Variants in NLRP4 observed in about 807,000 individuals in gnomAD.
NLRP4 encodes NLR family pyrin domain containing 4, also known as NACHT, LRR and PYD domains-containing protein 4.
NLRP4 carries 44 observed loss-of-function variants against 84.7 expected under a neutral mutation model. That is an observed-to-expected ratio of 0.52 (90% CI 0.41 to 0.67). The LOEUF (loss-of-function observed/expected upper bound fraction) is 0.67. NLRP4 is among the 30% of genes least tolerant of loss of function. The pLI, the probability that NLRP4 is intolerant of heterozygous loss-of-function variation, is 0.00. For missense variants in NLRP4, 1,260 were observed against 1,219.4 expected, an observed-to-expected ratio of 1.03 and a Z score of -0.50; for synonymous variants, 544 against 476.4, an observed-to-expected ratio of 1.14 and a Z score of -1.85.
At chr19:55,844,058 G>C (rs1983707048) in intron 1 of NLRP4, among the ~76,000 whole-genome samples, 1 of 152,150 alleles carries the variant, frequency 6.6e-6, no homozygotes, top group South Asian at 2.1e-4. Flanking sequence ...AAAACAGACA[G>C]CTTAAGCAAC....
At chr19:55,853,453 C>T (rs1984249646) in intron 2 of NLRP4, among the ~76,000 whole-genome samples, 1 of 152,008 alleles carries the variant, frequency 6.6e-6, no homozygotes, top group Non-Finnish European at 1.5e-5. Flanking sequence ...AGTGCCGTGG[C>T]ATCATCACGG....
chr19:55,869,498 G>T (rs1309603678), intron 6 of NLRP4, among the ~76,000 whole-genome samples: 3 of 152,164 alleles, frequency 2.0e-5, no homozygotes, highest in Non-Finnish European at 4.4e-5. Flanking sequence ...TCTTGTGTCT[G>T]TCAACAGGAA....
intron 6 of NLRP4, among the ~76,000 whole-genome samples, chr19:55,869,774 C>T (rs1430113271): frequency 8.4e-6 from 1 of 119,084 alleles, no homozygotes; most frequent in African/African-American, 3.2e-5. Context: ...TCAAAGTCAA[C>T]ATGGATCCTT....
intron 6 of NLRP4, 129 bp downstream of exon 6, chr19:55,868,005 A>G: frequency 1.3e-6 from 1 of 794,470 alleles, no homozygotes; most frequent in Non-Finnish European, 2.0e-6. Context: ...CTTAAGAATC[A>G]GAAAAGACTT....
At chr19:55,878,716 T>C (rs1248293724) in intron 8 of NLRP4, 78 bp from the exon 9 acceptor site, 38 of 1,320,116 alleles carry the variant, frequency 2.9e-5, no homozygotes, top group Non-Finnish European at 3.8e-5. Flanking sequence ...GTGCCTCAAC[T>C]AGACGTCTAG....
intron 2 of NLRP4, among the ~76,000 whole-genome samples, chr19:55,855,595 G>A (rs1211961087): frequency 6.6e-6 from 1 of 152,238 alleles, no homozygotes; most frequent in Admixed American, 6.5e-5. Flanking sequence ...ACTGTCAGCA[G>A]TCTGTGGGCA....
chr19:55,877,511 TTATC>T (rs893027814), intron 8 of NLRP4, among the ~76,000 whole-genome samples: 1 of 152,176 alleles, frequency 6.6e-6, no homozygotes, highest in African/African-American at 2.4e-5. Flanking sequence ...CCACGTCTCA[TTATC>T]TAACTGGTTG....
chr19:55,846,647 C>T (rs1983806723), intron 1 of NLRP4, among the ~76,000 whole-genome samples: 1 of 152,104 alleles, frequency 6.6e-6, no homozygotes, highest in Non-Finnish European at 1.5e-5. Flanking sequence ...TAACAGATGG[C>T]TGTGCCCTAC....
intron 5 of NLRP4, among the ~76,000 whole-genome samples, chr19:55,866,953 T>C (rs1373681465): frequency 6.6e-6 from 1 of 152,098 alleles, no homozygotes; most frequent in African/African-American, 2.4e-5. Context: ...GATAAGTTAC[T>C]GGGGGAGGCT....
At chr19:55,871,090 G>T in intron 7 of NLRP4, 93 bp downstream of exon 7, 1 of 1,105,884 alleles carries the variant, frequency 9.0e-7, no homozygotes, top group Non-Finnish European at 1.3e-6. Flanking sequence ...GAAGGCTGTA[G>T]TGTCTGTGCC....
chr19:55,881,734 T>C lies in NLRP4; in HGVS notation c.*147T>C, dbSNP rs1985601335. On this transcript the variant is annotated 3_prime_UTR_variant, in exon 10 of 10. Transcript: ENST00000301295. Reference sequence around the variant, plus strand: ...CACCCCATTCATAGATTTGATATGATACACGTGGTTTTTATGTGCTCTGTG... The same window carrying C: ...CACCCCATTCATAGATTTGATATGACACACGTGGTTTTTATGTGCTCTGTG... 1 of 518,832 alleles carries C rather than the reference T, an allele frequency of 1.9e-6. No homozygotes were observed. The highest frequency in any genetic ancestry group is 3.4e-6 in the Non-Finnish European group (1 of 291,236). 32.1% of individuals were successfully genotyped at this position (518,832 alleles called of 1,614,324 possible).
rs1338672922 is a variant in NLRP4 at position 55,881,621 on chromosome 19, G to A, written c.*34G>A. On this transcript the variant is annotated 3_prime_UTR_variant, in exon 10 of 10. Transcript: ENST00000301295. ...AACCTGGGCTCTGACTCGAACACCT[G>A]CAAAGGACAGGGACTGGGACCGTTA... 1.0e-6 allele frequency: 1 copy of A among 1,004,818 alleles called. No individual in the cohort carries two copies. The allele number at this position is 1,004,818 out of a possible 1,614,324, so 62.2% of individuals were successfully genotyped here.
At chr19:55,873,898 T>C (rs907003938) in intron 7 of NLRP4, among the ~76,000 whole-genome samples, 3 of 152,090 alleles carry the variant, frequency 2.0e-5, no homozygotes, top group Admixed American at 6.6e-5. Context: ...GAATATACTT[T>C]GCAACAAACT....
At chr19:55,860,415 A>AT (rs895891975) in intron 3 of NLRP4, among the ~76,000 whole-genome samples, 3 of 151,262 alleles carry the variant, frequency 2.0e-5, no homozygotes, top group Admixed American at 1.3e-4. Flanking sequence ...CTTCTACAAA[A>AT]TTTTTTTTTT....
chr19:55,842,935 G>A (rs1180098762), intron 1 of NLRP4, among the ~76,000 whole-genome samples: 1 of 150,980 alleles, frequency 6.6e-6, no homozygotes, highest in Non-Finnish European at 1.5e-5. Context: ...AATTTTTTGT[G>A]TATTTAGTAG....
chr19:55,844,078 C>T lies in NLRP4; in HGVS notation c.-66+7144C>T, dbSNP rs148710233. ...AGACAGCTTAAGCAACAGAAACTTA[C>T]TGTCTCACAGTTCTGAAGGCTAATA... On this transcript the variant is annotated intron_variant, in intron 1 of 9. Transcript: ENST00000301295. 1.0e-3 allele frequency among the ~76,000 whole-genome samples: 158 copies of T among 152,268 alleles called. 4 individuals carry two copies. In the East Asian group the frequency reaches 0.027, roughly 26 times the overall value.
intron 1 of NLRP4, among the ~76,000 whole-genome samples, chr19:55,847,161 G>C (rs1275336423): frequency 1.3e-5 from 2 of 152,010 alleles, no homozygotes; most frequent in Non-Finnish European, 2.9e-5. Context: ...TTGAGGGGGG[G>C]GCAGCAACAT....
In NLRP4 at chr19:55,857,325, A is replaced by ATGTGTGTGTGTGTGTGTGTG. The variant is rs35115500; in HGVS notation, c.281-335_281-316dup. On this transcript the variant is annotated intron_variant, in intron 2 of 9. Transcript: ENST00000301295. ...GTCAAACTTTACGTAGTAGCAATGA[A>ATGTGTGTGTGTGTGTGTGTG]TGTGTGTGTGTGTGTGTGTGTGTGT... The ATGTGTGTGTGTGTGTGTGTG allele has an allele frequency of 3.0e-4, 82 of 272,742 alleles. No homozygotes were observed. In the South Asian group the frequency reaches 4.0e-3, roughly 13 times the overall value. The allele number at this position is 272,742 out of a possible 1,614,324, so 16.9% of individuals were successfully genotyped here.
At chr19:55,868,074 T>C (rs989147702) in intron 6 of NLRP4, among the ~76,000 whole-genome samples, 198 bp downstream of exon 6, 1 of 152,216 alleles carries the variant, frequency 6.6e-6, no homozygotes, top group Non-Finnish European at 1.5e-5. Flanking sequence ...ATATTTAACT[T>C]AGAAGCAGAG....
Sources: allele counts gnomAD v4.1 joint callset (sites outside exome capture counted in the v4.1 genomes callset), GRCh38; gene constraint gnomAD v4.1.1; transcripts MANE v1.5; gene names NCBI Gene and HGNC (gene_info 2026-07-23, HGNC 2026-07-21).